Variants in AGAP2 observed in about 807,000 individuals in gnomAD.
The protein encoded by AGAP2 is arf-GAP with GTPase, ANK repeat and PH domain-containing protein 2.
In AGAP2, 32 loss-of-function variants were observed where a neutral mutation model predicts 110.9. The ratio of observed to expected loss-of-function variants is 0.29; its 90% CI spans 0.22 to 0.39. The LOEUF (loss-of-function observed/expected upper bound fraction) is 0.39, where lower values mean the gene tolerates loss of function less well. Ranked by LOEUF, AGAP2 falls within the 10% of genes least tolerant of loss-of-function variation. The pLI is 1.00. For missense variants in AGAP2, 1,285 were observed against 1,638.5 expected (o/e 0.78, Z 3.72); for synonymous variants, 702 against 713.0 (o/e 0.98, Z 0.25).
intron 12 of AGAP2, 181 bp downstream of exon 12, chr12:57,730,314 T>TA: frequency 1.1e-6 from 1 of 906,678 alleles, no homozygotes; most frequent in Non-Finnish European, 1.6e-6. Flanking sequence ...CAGTTGACGT[T>TA]AGAGTCCACT....
Position 57,734,315 on chromosome 12 carries a change from T to C in AGAP2, c.1401+4A>G. 6.2e-7 allele frequency: 1 copy of C among 1,614,098 alleles called. No individual in the cohort carries two copies. The highest frequency in any genetic ancestry group is 2.2e-5 in the East Asian group (1 of 44,880). Reference sequence around the variant, plus strand: ...AGCCTGTCCCCCACCACCTCCACCCTCACCTTGGCATCAGGTGCCCCAGCT... The same window carrying C: ...AGCCTGTCCCCCACCACCTCCACCCCCACCTTGGCATCAGGTGCCCCAGCT... On this transcript the variant is annotated splice_donor_region_variant and intron_variant, in intron 4 of 18. Coordinates refer to ENST00000547588, the MANE Select transcript of AGAP2 (RefSeq NM_001122772.3).
At chr12:57,733,138 A>C (rs986293231) in intron 5 of AGAP2, among the ~76,000 whole-genome samples, 159 bp from the exon 6 acceptor site, 3 of 151,988 alleles carry the variant, frequency 2.0e-5, no homozygotes, top group Middle Eastern at 6.8e-3. Context: ...GGAGTACATA[A>C]GCCCTTTCTG....
chr12:57,741,931 G>C, upstream of AGAP2: 9 of 1,614,026 alleles, frequency 5.6e-6, no homozygotes, highest in Non-Finnish European at 6.8e-6. Context: ...TGTCCAATGA[G>C]GCCTGGATGC....
chr12:57,726,912 G>C lies in AGAP2; in HGVS notation c.3336+62C>G. 1 of 1,491,654 alleles carries C rather than the reference G, an allele frequency of 6.7e-7. No homozygotes were observed. The highest frequency in any genetic ancestry group is 2.3e-5 in the Admixed American group (1 of 44,230). The allele number at this position is 1,491,654 out of a possible 1,614,324, so 92.4% of individuals were successfully genotyped here. On this transcript the variant is annotated intron_variant, in intron 18 of 18. Transcript: ENST00000547588. This position sits in a 1 kb window ranked among gnomAD's most constrained non-coding sequence, Gnocchi z 5.7. ...CCCTCTGGGAATTTCGGGCTTTCCC[G>C]CGCCAGGCGTTTTCCGAGATGAAGC... is the stretch of plus-strand genomic sequence containing the variant.
chr12:57,729,016 A>G (rs1282619171), intron 13 of AGAP2, among the ~76,000 whole-genome samples: 3 of 151,954 alleles, frequency 2.0e-5, no homozygotes, highest in Non-Finnish European at 4.4e-5. Flanking sequence ...TCTACTAAAA[A>G]ATACAAAAAA....
At chr12:57,731,052 G>A in intron 10 of AGAP2, 99 bp from the exon 11 acceptor site, 1 of 1,287,660 alleles carries the variant, frequency 7.8e-7, no homozygotes, top group Non-Finnish European at 1.0e-6. Flanking sequence ...CTGGGGAGGG[G>A]TCTTGGGGGC....
In AGAP2 at chr12:57,737,459, C is replaced by G; in HGVS notation, c.788G>C (p.Arg263Pro). The G allele has an allele frequency of 1.2e-6, 2 of 1,612,350 alleles. No individual in the cohort carries two copies. The highest frequency in any genetic ancestry group is 1.7e-6 in the Non-Finnish European group (2 of 1,179,374). Residue 263 changes from arginine (R) to proline (P), a missense_variant, in exon 1 of 19, where the codon CGA becomes CCA. Coordinates refer to ENST00000547588, the MANE Select transcript of AGAP2 (RefSeq NM_001122772.3). The surrounding 1 kb of genome is among the most constrained non-coding windows in gnomAD (Gnocchi z 5.9). ...GCCTTTCCGAGGGGACAACTTCCCT[C>G]GGGCTCCAGCCCCAGCCCCGACCCC... is the stretch of plus-strand genomic sequence containing the variant. ...SGGVGAGAGA[R>P]GKLSPRKGKS... is the part of the protein sequence containing the mutation.
intron 1 of AGAP2, 116 bp from the exon 2 acceptor site, chr12:57,735,543 T>C (rs918484457): frequency 6.5e-6 from 6 of 926,392 alleles, no homozygotes; most frequent in Non-Finnish European, 1.0e-5. Context: ...CTGCCTGCAC[T>C]GGAGAGGTGT....
In AGAP2 at chr12:57,737,551, A is replaced by T. The variant is rs780026240; in HGVS notation, c.696T>A (p.Ala232=). Residue 232 remains alanine, a synonymous_variant, in exon 1 of 19, where the codon GCT becomes GCA. Transcript: ENST00000547588. The surrounding 1 kb of genome is among the most constrained non-coding windows in gnomAD (Gnocchi z 5.9). The stretch of plus-strand genomic sequence containing the variant: ...CGGCGGTGGCGGCGGCAGAGACCGA[A>T]GCTCCAGTCCCGGCGCTGCTCTTTG... ...KGSKSSAGTG[A]SVSAAATAAA... The T allele has an allele frequency of 3.2e-6, 5 of 1,553,618 alleles. No individual in the cohort carries two copies. The highest frequency in any genetic ancestry group is 1.4e-5 in the African/African-American group (1 of 73,266).
At chr12:57,734,766 A>T in intron 2 of AGAP2, 87 bp from the exon 3 acceptor site, 1 of 1,247,850 alleles carries the variant, frequency 8.0e-7, no homozygotes, top group Non-Finnish European at 1.2e-6. Context: ...ACCCAGAGAG[A>T]TAAGTCATCC....
intron 7 of AGAP2, 95 bp downstream of exon 7, chr12:57,732,308 C>T: frequency 1.7e-6 from 2 of 1,182,562 alleles, no homozygotes; most frequent in Non-Finnish European, 2.4e-6. Flanking sequence ...TTTCCCCACT[C>T]CCTGAACCTC....
intron 13 of AGAP2, among the ~76,000 whole-genome samples, 183 bp downstream of exon 13, chr12:57,729,456 C>A (rs1462983596): frequency 6.6e-6 from 1 of 150,674 alleles, no homozygotes; most frequent in African/African-American, 2.5e-5. Context: ...AGCTGGGGAA[C>A]AAGGAAAGAA....
At chr12:57,742,143 A>C (rs1955084733), upstream of AGAP2, 2 of 1,535,870 alleles carry the variant, frequency 1.3e-6, no homozygotes, top group Admixed American at 1.8e-5. Context: ...CAGCCCCCAA[A>C]CCTCAGAAGG....
At chr12:57,729,916 C>T (rs903050694) in intron 12 of AGAP2, 149 bp from the exon 13 acceptor site, 1 of 1,161,854 alleles carries the variant, frequency 8.6e-7, no homozygotes, top group African/African-American at 1.6e-5. Flanking sequence ...TTGATCATTC[C>T]TGGGGATGCA....
In AGAP2 at chr12:57,728,349, G is replaced by A; in HGVS notation, c.2586C>T (p.Ser862=). ...EAKRKMWKLK[S]FGSLRNIYKA... ...TATAAATATTTCTTAAACTACCAAA[G>A]GATTTTAGTTTCCACATTTTGCGCT... is the stretch of plus-strand genomic sequence containing the variant. The change falls in exon 14 of 19, where the codon TCC becomes TCT. Residue 862 remains serine (S), a synonymous_variant. Coordinates refer to ENST00000547588, the MANE Select transcript of AGAP2 (RefSeq NM_001122772.3). 6.2e-7 allele frequency: 1 copy of A among 1,613,950 alleles called. No homozygotes were observed. Among genetic ancestry groups the A allele is most frequent in the Non-Finnish European group, 8.5e-7 (1 of 1,179,882 alleles).
chr12:57,735,733 G>C (rs1435261329), intron 1 of AGAP2, among the ~76,000 whole-genome samples: 2 of 152,218 alleles, frequency 1.3e-5, no homozygotes, highest in Non-Finnish European at 2.9e-5. Flanking sequence ...AGGGAGACCA[G>C]GGCTCTGACA....
rs1031916980 is a variant in AGAP2 at position 57,731,302 on chromosome 12, A to G, written c.2145+64T>C. On this transcript the variant is annotated intron_variant, in intron 10 of 18. Coordinates refer to ENST00000547588, the MANE Select transcript of AGAP2 (RefSeq NM_001122772.3). The stretch of plus-strand genomic sequence containing the variant: ...ATGAGGTTAGTGCTTTGTCAGAGGC[A>G]TAGACAGGTAGAACTTGAGGGAAAT... The G allele has an allele frequency of 3.0e-6, 4 of 1,353,004 alleles. No individual in the cohort carries two copies. The African/African-American group carries it at 5.8e-5, about 20-fold the overall frequency. 83.8% of individuals were successfully genotyped at this position (1,353,004 alleles called of 1,614,324 possible).
At chr12:57,741,164 AG>A (rs1195656959), upstream of AGAP2, among the ~76,000 whole-genome samples, 4 of 152,180 alleles carry the variant, frequency 2.6e-5, no homozygotes, top group African/African-American at 9.7e-5. Context: ...TGTTCCTGCC[AG>A]GGCTCCACCA....
chr12:57,728,197 G>C, intron 14 of AGAP2, 112 bp from the exon 15 acceptor site: 3 of 1,518,744 alleles, frequency 2.0e-6, no homozygotes, highest in Non-Finnish European at 2.7e-6. Context: ...TGGGGCAGTG[G>C]GGGTAGGGAA....
Sources: gnomAD v4.1 joint callset for allele counts (sites outside exome capture counted in the v4.1 genomes callset) on GRCh38, gnomAD v4.1.1 for gene constraint, Gnocchi (gnomAD v3.1) non-coding constraint, MANE v1.5 for transcripts, NCBI Gene and HGNC (gene_info 2026-07-23, HGNC 2026-07-21) for gene names.